PDGFRL: variants seen among roughly 807,000 people sequenced by gnomAD.
PDGFRL encodes platelet derived growth factor receptor like.
PDGFRL carries 46 observed loss-of-function variants against 37.2 expected under a neutral mutation model. The ratio of observed to expected loss-of-function variants is 1.24; its 90% CI spans 0.98 to 1.58. The LOEUF (loss-of-function observed/expected upper bound fraction) is 1.58, where lower values mean the gene tolerates loss of function less well. PDGFRL is among the 40% of genes most tolerant of loss of function. The probability of loss-of-function intolerance (pLI) is 0.00; values close to 1 mark genes in which losing one functional copy is unlikely to be tolerated. For missense variants in PDGFRL, 692 were observed against 467.6 expected, an observed-to-expected ratio of 1.48 and a Z score of -4.43; for synonymous variants, 251 against 184.3, an observed-to-expected ratio of 1.36 and a Z score of -2.93.
At chr8:17,590,061 C>G (rs928665411) in intron 2 of PDGFRL, among the ~76,000 whole-genome samples, 5 of 151,010 alleles carry the variant, frequency 3.3e-5, no homozygotes, top group Non-Finnish European at 7.4e-5. Flanking sequence ...GAAATCCCGT[C>G]TCTATTAAAA....
intron 2 of PDGFRL, among the ~76,000 whole-genome samples, chr8:17,610,034 C>A (rs894368050): frequency 6.6e-6 from 1 of 152,206 alleles, no homozygotes; most frequent in South Asian, 2.1e-4. Context: ...TGGGTCCAGG[C>A]CCCATGGCTG....
chr8:17,589,339 T>C, intron 1 of PDGFRL, 129 bp from the exon 2 acceptor site: 3 of 709,260 alleles, frequency 4.2e-6, no homozygotes, highest in Non-Finnish European at 7.3e-6. Context: ...TGAGCTGAGA[T>C]TATGCCACTG....
chr8:17,617,471 CA>C, intron 2 of PDGFRL, among the ~76,000 whole-genome samples: 1 of 152,140 alleles, frequency 6.6e-6, no homozygotes, highest in African/African-American at 2.4e-5. Flanking sequence ...CTGAAGGGCT[CA>C]GGGAATCCTT....
At chr8:17,584,936 CTTACGG>C (rs1047319439) in intron 1 of PDGFRL, among the ~76,000 whole-genome samples, 43 of 152,174 alleles carry the variant, frequency 2.8e-4, no homozygotes, top group African/African-American at 7.5e-4. Context: ...GCTGCTTATA[CTTACGG>C]TTACTTCTTG....
chr8:17,630,924 T>C (rs185586302), intron 4 of PDGFRL, among the ~76,000 whole-genome samples: 93 of 152,228 alleles, frequency 6.1e-4, no homozygotes, highest in Non-Finnish European at 1.0e-3. Context: ...TGCTCTGAGC[T>C]GCAGCATGGC....
chr8:17,579,007 G>T (rs779819196), intron 1 of PDGFRL, among the ~76,000 whole-genome samples: 2 of 152,118 alleles, frequency 1.3e-5, no homozygotes, highest in African/African-American at 4.8e-5. Flanking sequence ...AGACCAGCCT[G>T]GCCAAGATGG....
intron 1 of PDGFRL, among the ~76,000 whole-genome samples, chr8:17,588,478 A>T (rs542847218): frequency 6.7e-6 from 1 of 150,374 alleles, no homozygotes; most frequent in Non-Finnish European, 1.5e-5. Context: ...GGAGTTTGAG[A>T]CCAGCTTGGG....
intron 2 of PDGFRL, among the ~76,000 whole-genome samples, chr8:17,611,471 C>T (rs558792613): frequency 6.6e-6 from 1 of 152,120 alleles, no homozygotes; most frequent in Non-Finnish European, 1.5e-5. Flanking sequence ...TTACAAAGGC[C>T]ACTGGACATG....
At chr8:17,590,995 G>T (rs1803926852) in intron 2 of PDGFRL, among the ~76,000 whole-genome samples, 1 of 150,798 alleles carries the variant, frequency 6.6e-6, no homozygotes, top group South Asian at 2.1e-4. Flanking sequence ...CCATTCTCCT[G>T]CCTCAGCCTC....
intron 1 of PDGFRL, among the ~76,000 whole-genome samples, chr8:17,588,626 T>C (rs371600874): frequency 6.6e-6 from 1 of 152,178 alleles, no homozygotes; most frequent in East Asian, 1.9e-4. Context: ...TGAGCTAGGA[T>C]CATGCCATTG....
At chr8:17,588,195 T>C (rs67809910) in intron 1 of PDGFRL, among the ~76,000 whole-genome samples, 26,494 of 152,240 alleles carry the variant, frequency 0.17, 2,725 homozygotes, top group South Asian at 0.32. Context: ...AGAGACATTT[T>C]GTTGGTGAAA....
intron 2 of PDGFRL, among the ~76,000 whole-genome samples, chr8:17,599,232 T>C (rs1188747481): frequency 6.6e-6 from 1 of 152,170 alleles, no homozygotes; most frequent in Non-Finnish European, 1.5e-5. Context: ...GGTGCACCCG[T>C]CGTCACCCAA....
intron 2 of PDGFRL, among the ~76,000 whole-genome samples, chr8:17,611,912 C>T (rs1029684990): frequency 1.3e-5 from 2 of 151,908 alleles, no homozygotes; most frequent in Admixed American, 6.6e-5. Flanking sequence ...AGTTGCAGCT[C>T]GGTGGAAAGA....
intron 5 of PDGFRL, among the ~76,000 whole-genome samples, chr8:17,639,685 G>A (rs1805050927): frequency 1.3e-5 from 2 of 152,144 alleles, no homozygotes; most frequent in Non-Finnish European, 2.9e-5. Flanking sequence ...GTTATCTGGT[G>A]CTTTTGCCTC....
rs749463885 is a variant in PDGFRL, at chr8:17,642,922, C to T, written c.*121C>T. 1.1e-5 allele frequency: 7 copies of T among 643,608 alleles called. No homozygotes were observed. The highest frequency in any genetic ancestry group is 2.9e-5 in the Admixed American group (1 of 34,064). The allele number at this position is 643,608 out of a possible 1,614,324, so 39.9% of individuals were successfully genotyped here. On this transcript the variant is annotated 3_prime_UTR_variant, in exon 6 of 6. Transcript: ENST00000251630. Reference sequence around the variant, plus strand: ...GTCAAGCACCACACCCCAACCCCAGCGTCTCGTGAGTCCGACCCAGACATC... The same window carrying T: ...GTCAAGCACCACACCCCAACCCCAGTGTCTCGTGAGTCCGACCCAGACATC...
intron 1 of PDGFRL, among the ~76,000 whole-genome samples, chr8:17,583,277 A>G (rs1339841277): frequency 6.6e-6 from 1 of 152,190 alleles, no homozygotes; most frequent in Non-Finnish European, 1.5e-5. Context: ...TGGGGATCCC[A>G]GAATTAGAGA....
At chr8:17,616,182 T>G (rs1424057063) in intron 2 of PDGFRL, among the ~76,000 whole-genome samples, 5 of 140,460 alleles carry the variant, frequency 3.6e-5, no homozygotes. Context: ...ATTTATTTAT[T>G]TATTTATTTA....
chr8:17,604,832 G>A (rs1230750860), intron 2 of PDGFRL, among the ~76,000 whole-genome samples: 5 of 152,218 alleles, frequency 3.3e-5, no homozygotes, highest in African/African-American at 4.8e-5. Flanking sequence ...GAAAATGCAT[G>A]GCTGGGCATG....
chr8:17,590,740 A>C (rs1803919329), intron 2 of PDGFRL, among the ~76,000 whole-genome samples: 2 of 152,044 alleles, frequency 1.3e-5, no homozygotes, highest in African/African-American at 4.8e-5. Flanking sequence ...CATACCGTGA[A>C]AGTTAATGGA....
Sources: gnomAD v4.1 joint callset for allele counts (sites outside exome capture counted in the v4.1 genomes callset) on GRCh38, gnomAD v4.1.1 for gene constraint, MANE v1.5 for transcripts, NCBI Gene and HGNC (gene_info 2026-07-23, HGNC 2026-07-21) for gene names.